CCSER1: variants seen among roughly 807,000 people sequenced by gnomAD.
CCSER1 encodes serine-rich coiled-coil domain-containing protein 1.
In CCSER1, 41 loss-of-function variants were observed where a neutral mutation model predicts 82.0. The ratio of observed to expected loss-of-function variants is 0.50; its 90% CI spans 0.39 to 0.65. CCSER1 has a LOEUF of 0.65. Ranked by LOEUF, CCSER1 falls within the 30% of genes least tolerant of loss-of-function variation. CCSER1 has a pLI of 0.00. For missense variants in CCSER1, 1,119 were observed against 1,064.2 expected (o/e 1.05, Z -0.72); for synonymous variants, 414 against 383.9 (o/e 1.08, Z -0.92).
intron 10 of CCSER1, among the ~76,000 whole-genome samples, chr4:91,448,985 T>A (rs371583024): frequency 6.6e-6 from 1 of 152,008 alleles, no homozygotes; most frequent in African/African-American, 2.4e-5. Flanking sequence ...GTTTACTGTT[T>A]TACATGGGGT....
chr4:91,329,049 T>C (rs890207682), intron 10 of CCSER1, among the ~76,000 whole-genome samples: 1 of 152,200 alleles, frequency 6.6e-6, no homozygotes, highest in African/African-American at 2.4e-5. Context: ...TGTCAGTCAA[T>C]TAAACCTCTT....
At chr4:91,354,098 AG>A (rs1485703500) in intron 10 of CCSER1, among the ~76,000 whole-genome samples, 2 of 152,332 alleles carry the variant, frequency 1.3e-5, no homozygotes, top group Non-Finnish European at 2.9e-5. Context: ...AGAATAGTCA[AG>A]GCTTGACCAG....
intron 8 of CCSER1, among the ~76,000 whole-genome samples, chr4:90,844,113 A>T (rs938173629): frequency 6.8e-6 from 1 of 147,898 alleles, no homozygotes; most frequent in Admixed American, 6.8e-5. Flanking sequence ...GTGTGTGTGT[A>T]TGTATATATA....
chr4:90,697,412 A>G (rs1670178512), intron 6 of CCSER1, among the ~76,000 whole-genome samples: 1 of 152,192 alleles, frequency 6.6e-6, no homozygotes, highest in Non-Finnish European at 1.5e-5. Flanking sequence ...TTCAAAATAC[A>G]TACTAAATGT....
chr4:90,170,519 A>T (rs1731451722), intron 1 of CCSER1, among the ~76,000 whole-genome samples: 2 of 150,664 alleles, frequency 1.3e-5, no homozygotes, highest in South Asian at 4.2e-4. Context: ...CCCCCTAGCC[A>T]CTCTCCACTA....
chr4:91,152,503 A>T (rs1463476870), intron 10 of CCSER1, among the ~76,000 whole-genome samples: 1 of 152,130 alleles, frequency 6.6e-6, no homozygotes, highest in Admixed American at 6.5e-5. Context: ...TAATTGGAGC[A>T]TTCAGCCCAT....
chr4:90,412,245 C>T (rs1468503707), intron 4 of CCSER1, among the ~76,000 whole-genome samples: 1 of 143,132 alleles, frequency 7.0e-6, no homozygotes, highest in East Asian at 2.1e-4. Context: ...TGTTCTCACT[C>T]ATAGGTGGGA....
At chr4:90,714,273 A>G (rs1741220133) in intron 6 of CCSER1, among the ~76,000 whole-genome samples, 1 of 151,510 alleles carries the variant, frequency 6.6e-6, no homozygotes, top group Admixed American at 6.6e-5. Flanking sequence ...TCTAGTTTGT[A>G]CTTTTAATAC....
At chr4:90,822,539 C>T (rs906220956) in intron 8 of CCSER1, among the ~76,000 whole-genome samples, 12 of 151,954 alleles carry the variant, frequency 7.9e-5, no homozygotes, top group Non-Finnish European at 1.2e-4. Flanking sequence ...CCAGCATGGC[C>T]AACATGGTGA....
chr4:90,803,249 C>T (rs1000185004), intron 7 of CCSER1, among the ~76,000 whole-genome samples: 2 of 152,148 alleles, frequency 1.3e-5, no homozygotes, highest in African/African-American at 2.4e-5. Context: ...TTCTGGGGTA[C>T]ATGTGCAGAA....
At chr4:90,691,622 GTGTA>G (rs201591269) in intron 6 of CCSER1, among the ~76,000 whole-genome samples, 192 of 144,264 alleles carry the variant, frequency 1.3e-3, no homozygotes, top group African/African-American at 4.7e-3. Context: ...ATGTATATAT[GTGTA>G]TGTATATATA....
chr4:90,726,863 A>G (rs1334839783), intron 7 of CCSER1, among the ~76,000 whole-genome samples: 6 of 152,178 alleles, frequency 3.9e-5, no homozygotes, highest in Non-Finnish European at 7.4e-5. Context: ...ACTTGATAAG[A>G]GATGAGAAGG....
intron 7 of CCSER1, among the ~76,000 whole-genome samples, chr4:90,732,066 C>A (rs1158482977): frequency 1.2e-5 from 1 of 86,112 alleles, no homozygotes. Flanking sequence ...TCTCTCACTG[C>A]TCTATTCTAC....
chr4:90,834,533 A>G (rs1761541998), intron 8 of CCSER1, among the ~76,000 whole-genome samples: 1 of 152,216 alleles, frequency 6.6e-6, no homozygotes, highest in Non-Finnish European at 1.5e-5. Flanking sequence ...GGTGTTTATC[A>G]CTGATACAAA....
At chr4:90,819,198 C>G (rs1375265023) in intron 8 of CCSER1, among the ~76,000 whole-genome samples, 1 of 152,018 alleles carries the variant, frequency 6.6e-6, no homozygotes, top group Non-Finnish European at 1.5e-5. Context: ...TCATGTGAGC[C>G]CTCTGATGTC....
At position 90,515,571 on chromosome 4, in the gene CCSER1, C is replaced by T. The variant is rs181408551; in HGVS notation, c.1724+47217C>T. Among the ~76,000 whole-genome samples the T allele has an allele frequency of 3.2e-4, 49 of 152,248 alleles. No homozygotes were observed. In the East Asian group the frequency reaches 6.8e-3, roughly 21 times the overall value. ...TTAGTTTTGATTGTGTCTTCATTGTCTTCTGTATTGTTCACATGACATGAT... is the reference window on the plus strand; with the variant it reads ...TTAGTTTTGATTGTGTCTTCATTGTTTTCTGTATTGTTCACATGACATGAT... On this transcript the variant is annotated intron_variant, in intron 5 of 10. Transcript: ENST00000509176.
intron 10 of CCSER1, among the ~76,000 whole-genome samples, chr4:91,247,903 CAAAA>C (rs1739929305): frequency 6.6e-6 from 1 of 151,598 alleles, no homozygotes; most frequent in Non-Finnish European, 1.5e-5. Flanking sequence ...ACAATAACAA[CAAAA>C]AACACGAACC....
At chr4:90,411,307 C>A (rs1389608545) in intron 4 of CCSER1, among the ~76,000 whole-genome samples, 2 of 152,252 alleles carry the variant, frequency 1.3e-5, no homozygotes, top group East Asian at 1.9e-4. Flanking sequence ...CAAAGCCTGG[C>A]AGAGACACAA....
At chr4:91,467,938 G>A (rs1043330366) in intron 10 of CCSER1, among the ~76,000 whole-genome samples, 8 of 152,214 alleles carry the variant, frequency 5.3e-5, no homozygotes, top group African/African-American at 1.4e-4. Context: ...GTGGAAGACA[G>A]TGTGGCGATT....
Sources: gnomAD v4.1 joint callset for allele counts (sites outside exome capture counted in the v4.1 genomes callset) on GRCh38, gnomAD v4.1.1 for gene constraint, MANE v1.5 for transcripts, NCBI Gene and HGNC (gene_info 2026-07-23, HGNC 2026-07-21) for gene names.